Variants in ATP8B2 observed in about 807,000 individuals in gnomAD.
ATP8B2 encodes phospholipid-transporting ATPase ID.
Under a neutral mutation model 133.4 loss-of-function variants are expected in ATP8B2, and 70 were observed. The observed-to-expected ratio is 0.52, with a 90% CI of 0.43 to 0.64. The LOEUF (loss-of-function observed/expected upper bound fraction) is 0.64. ATP8B2 is among the 30% of genes least tolerant of loss of function. The pLI, the probability that ATP8B2 is intolerant of heterozygous loss-of-function variation, is 0.00. For synonymous variants in ATP8B2, 517 were observed against 589.5 expected (o/e 0.88, Z 1.78); for missense variants, 1,101 against 1,535.7 (o/e 0.72, Z 4.73).
intron 13 of ATP8B2, 152 bp downstream of exon 13, chr1:154,341,214 G>GCC: frequency 1.3e-6 from 1 of 791,812 alleles, no homozygotes; most frequent in Non-Finnish European, 2.1e-6. Flanking sequence ...GCCAGGCACG[G>GCC]TGGCTCATGC....
chr1:154,337,900 C>G (rs571361411), intron 12 of ATP8B2: 5 of 657,536 alleles, frequency 7.6e-6, no homozygotes, highest in Non-Finnish European at 7.0e-6. Flanking sequence ...AAAATCTAAA[C>G]ACATTATAAA....
chr1:154,331,220 C>A lies in ATP8B2; in HGVS notation c.303+74C>A. On this transcript the variant is annotated intron_variant, in intron 5 of 27. Coordinates refer to ENST00000368489, the MANE Select transcript of ATP8B2 (RefSeq NM_001370597.1). The surrounding 1 kb of genome is among the most constrained non-coding windows in gnomAD (Gnocchi z 4.8). ...CCCAGCCCCACCCCCATCTCATGGC[C>A]ACCTTCATCCAGCACAATTTCTTGG... 1 of 1,351,472 alleles carries A rather than the reference C, an allele frequency of 7.4e-7. No homozygotes were observed. The highest frequency in any genetic ancestry group is 1.2e-5 in the South Asian group (1 of 80,134). The allele number at this position is 1,351,472 out of a possible 1,614,324, so 83.7% of individuals were successfully genotyped here.
At position 154,345,641 on chromosome 1, in the gene ATP8B2, T is replaced by C. The variant is rs947925127; in HGVS notation, c.2694+96T>C. The C allele has an allele frequency of 3.0e-6, 4 of 1,349,240 alleles. No individual in the cohort carries two copies. The highest frequency in any genetic ancestry group is 2.9e-5 in the African/African-American group (2 of 68,344). The allele number at this position is 1,349,240 out of a possible 1,614,324, so 83.6% of individuals were successfully genotyped here. ...CACTCAGTCCCCCAGGGCCTAGCTA[T>C]TTTCTGGTACATACTCTTAAAAAAT... On this transcript the variant is annotated intron_variant, in intron 23 of 27. Coordinates refer to ENST00000368489, the MANE Select transcript of ATP8B2 (RefSeq NM_001370597.1). This position sits in a 1 kb window ranked among gnomAD's most constrained non-coding sequence, Gnocchi z 5.6.
Position 154,343,216 on chromosome 1 carries a change from C to A in ATP8B2, c.1557C>A (p.Thr519=). 2 of 1,614,140 alleles carry A rather than the reference C, an allele frequency of 1.2e-6. No individual in the cohort carries two copies. Among genetic ancestry groups the A allele is most frequent in the South Asian group, 2.2e-5 (2 of 91,088 alleles). Residue 519 remains threonine (T), a synonymous_variant, in exon 16 of 28, where the codon ACC becomes ACA. Coordinates refer to ENST00000368489, the MANE Select transcript of ATP8B2 (RefSeq NM_001370597.1). The surrounding 1 kb of genome is among the most constrained non-coding windows in gnomAD (Gnocchi z 5.8). ...GCTCTCGCACCCCCAAAACAATCAC[C>A]GTCCATGAGATGGGCACAGCCATCA... ...VFRSRTPKTI[T]VHEMGTAITY... is the part of the protein sequence containing the mutation.
chr1:154,331,042 T>C lies in ATP8B2; in HGVS notation c.205-6T>C. On this transcript the variant is annotated splice_polypyrimidine_tract_variant and splice_region_variant and intron_variant, in intron 4 of 27. Transcript: ENST00000368489. The surrounding 1 kb of genome is among the most constrained non-coding windows in gnomAD (Gnocchi z 4.8). ...TCAGAGGCATACTTCTCTTTCTTTT[T>C]TTCAGTTGATCCCCCAGATCTCTTC... The C allele has an allele frequency of 1.2e-6, 2 of 1,613,330 alleles. No homozygotes were observed. Among genetic ancestry groups the C allele is most frequent in the East Asian group, 2.2e-5 (1 of 44,878 alleles).
intron 12 of ATP8B2, among the ~76,000 whole-genome samples, chr1:154,339,776 G>A (rs150097041): frequency 2.5e-4 from 38 of 152,312 alleles, no homozygotes; most frequent in African/African-American, 8.9e-4. Flanking sequence ...CAGGGCTCTC[G>A]ATAGGGCCCC....
chr1:154,327,245 G>A (rs1264812772), intron 1 of ATP8B2, among the ~76,000 whole-genome samples: 2 of 152,188 alleles, frequency 1.3e-5, no homozygotes, highest in Non-Finnish European at 2.9e-5. Flanking sequence ...GGAAAGAGGA[G>A]GTGACTGACT....
chr1:154,325,740 C>G (rs1031581228), intron 1 of ATP8B2, 38 bp downstream of exon 1: 1 of 153,068 alleles, frequency 6.5e-6, no homozygotes, highest in African/African-American at 2.4e-5. Context: ...CGCCCGGGAG[C>G]GCGGGGCCAG....
At position 154,349,121 on chromosome 1, in the gene ATP8B2, G is replaced by T. The variant is rs940119286; in HGVS notation, c.*3G>T. Reference sequence around the variant, plus strand: ...CCGACAAGCCCCTCAAGGGCTGAAGGCCGAGGATGGATGCCCTGTGCCAGT... The same window carrying T: ...CCGACAAGCCCCTCAAGGGCTGAAGTCCGAGGATGGATGCCCTGTGCCAGT... On this transcript the variant is annotated 3_prime_UTR_variant, in exon 28 of 28. Coordinates refer to ENST00000368489, the MANE Select transcript of ATP8B2 (RefSeq NM_001370597.1). 8 of 1,611,636 alleles carry T rather than the reference G, an allele frequency of 5.0e-6. No individual in the cohort carries two copies. The highest frequency in any genetic ancestry group is 5.9e-6 in the Non-Finnish European group (7 of 1,178,142).
intron 13 of ATP8B2, chr1:154,341,296 G>A (rs1686376697): frequency 1.0e-5 from 6 of 589,182 alleles, no homozygotes; most frequent in Non-Finnish European, 1.8e-5. Flanking sequence ...ACCAGCCTGG[G>A]CAACATAGTG....
At chr1:154,347,150 A>G (rs1686611702) in intron 26 of ATP8B2, among the ~76,000 whole-genome samples, 1 of 152,186 alleles carries the variant, frequency 6.6e-6, no homozygotes, top group Non-Finnish European at 1.5e-5. Flanking sequence ...TCGGCCTCCC[A>G]AAGTGCTGGG....
In ATP8B2 at chr1:154,349,091, C is replaced by T. The variant is rs369959419; in HGVS notation, c.3546C>T (p.Gly1182=). The change falls in exon 28 of 28, where the codon GGC becomes GGT. Residue 1182 remains glycine, a synonymous_variant. Coordinates refer to ENST00000368489, the MANE Select transcript of ATP8B2 (RefSeq NM_001370597.1). ...KKSDSASSPS[G]GADKPLKG Reference sequence around the variant, plus strand: ...GTGACAGTGCCAGTAGCCCCAGTGGCGGTGCCGACAAGCCCCTCAAGGGCT... The same window carrying T: ...GTGACAGTGCCAGTAGCCCCAGTGGTGGTGCCGACAAGCCCCTCAAGGGCT... 2.9e-5 allele frequency: 47 copies of T among 1,613,952 alleles called. 1 individual carries two copies. The highest frequency in any genetic ancestry group is 1.3e-4 in the Admixed American group (8 of 60,010).
chr1:154,331,188 C>A lies in ATP8B2; in HGVS notation c.303+42C>A. Reference sequence around the variant, plus strand: ...CTTCTATTTTGTCCCAGTCACCCACCCCTACTCCCAGCCCCACCCCCATCT... The same window carrying A: ...CTTCTATTTTGTCCCAGTCACCCACACCTACTCCCAGCCCCACCCCCATCT... On this transcript the variant is annotated intron_variant, in intron 5 of 27. Transcript: ENST00000368489. This position sits in a 1 kb window ranked among gnomAD's most constrained non-coding sequence, Gnocchi z 4.8. 1 of 1,560,014 alleles carries A rather than the reference C, an allele frequency of 6.4e-7. No homozygotes were observed. Among genetic ancestry groups the A allele is most frequent in the Non-Finnish European group, 8.8e-7 (1 of 1,134,574 alleles).
chr1:154,336,301 G>A (rs1686176832), intron 11 of ATP8B2, among the ~76,000 whole-genome samples: 2 of 151,914 alleles, frequency 1.3e-5, no homozygotes, highest in African/African-American at 4.8e-5. Context: ...CATGATAATT[G>A]GTGACAGACT....
At position 154,328,259 on chromosome 1, in the gene ATP8B2, G is replaced by T. The variant is rs1685857866; in HGVS notation, c.31+87G>T. On this transcript the variant is annotated intron_variant, in intron 2 of 27. Coordinates refer to ENST00000368489, the MANE Select transcript of ATP8B2 (RefSeq NM_001370597.1). The surrounding 1 kb of genome is among the most constrained non-coding windows in gnomAD (Gnocchi z 4.6). ...GGGAGCAAAAGGAAAAGGGACAACT[G>T]GTATGGGTCTGAGGGAGGGTAGCTT... The T allele has an allele frequency of 7.1e-6, 10 of 1,402,120 alleles. No homozygotes were observed. The highest frequency in any genetic ancestry group is 1.0e-5 in the Non-Finnish European group (10 of 989,638). 86.9% of individuals were successfully genotyped at this position (1,402,120 alleles called of 1,614,324 possible).
At position 154,343,747 on chromosome 1, in the gene ATP8B2, AC is replaced by A. The variant is rs1253362415; in HGVS notation, c.1759-144del. 2 of 1,085,814 alleles carry A rather than the reference AC, an allele frequency of 1.8e-6. No individual in the cohort carries two copies. Among genetic ancestry groups the A allele is most frequent in the African/African-American group, 3.2e-5 (2 of 63,100 alleles). The allele number at this position is 1,085,814 out of a possible 1,614,324, so 67.3% of individuals were successfully genotyped here. A position where few individuals can be genotyped will look rare whatever the true frequency, so the allele number is the denominator to read the frequency against. ...AACACATCAGCCAGCTCCCATAGTT[AC>A]CTCTTTTTATGTATGTGGTGACAGT... On this transcript the variant is annotated intron_variant, in intron 17 of 27. Coordinates refer to ENST00000368489, the MANE Select transcript of ATP8B2 (RefSeq NM_001370597.1). The surrounding 1 kb of genome is among the most constrained non-coding windows in gnomAD (Gnocchi z 5.8).
intron 2 of ATP8B2, chr1:154,329,024 C>G: frequency 7.7e-7 from 1 of 1,303,848 alleles, no homozygotes; most frequent in Non-Finnish European, 1.0e-6. Flanking sequence ...GAAGTGGGCC[C>G]GGGCCCAGGC....
Position 154,345,781 on chromosome 1 carries a change from G to A in ATP8B2, c.2695-19G>A. 1 of 1,590,582 alleles carries A rather than the reference G, an allele frequency of 6.3e-7. No individual in the cohort carries two copies. Among genetic ancestry groups the A allele is most frequent in the Non-Finnish European group, 8.6e-7 (1 of 1,158,564 alleles). ...GCAAAGAAAGGTTGCATGCTCCCTT[G>A]CTCCCTGTTCTCTTCCAGACCGTCT... On this transcript the variant is annotated intron_variant, in intron 23 of 27. Transcript: ENST00000368489. The surrounding 1 kb of genome is among the most constrained non-coding windows in gnomAD (Gnocchi z 5.6).
chr1:154,342,891 C>T lies in ATP8B2; in HGVS notation c.1383C>T (p.Asp461=). The change falls in exon 15 of 28, where the codon GAC becomes GAT. Residue 461 remains aspartate (D), a synonymous_variant. Transcript: ENST00000368489. ...TGCTGGAGGCTGTCAAGATCGGGGA[C>T]CCCCACACGCATGAGTTCTTCCGCC... is the stretch of plus-strand genomic sequence containing the variant. The part of the protein sequence containing the change: ...PSLLEAVKIG[D]PHTHEFFRLL... 2 of 1,614,100 alleles carry T rather than the reference C, an allele frequency of 1.2e-6. No individual in the cohort carries two copies. Among genetic ancestry groups the T allele is most frequent in the Non-Finnish European group, 1.7e-6 (2 of 1,180,014 alleles).
Sources: gnomAD v4.1 joint callset for allele counts (sites outside exome capture counted in the v4.1 genomes callset) on GRCh38, gnomAD v4.1.1 for gene constraint, Gnocchi (gnomAD v3.1) non-coding constraint, MANE v1.5 for transcripts, NCBI Gene and HGNC (gene_info 2026-07-23, HGNC 2026-07-21) for gene names.